HERC4: variants seen among roughly 807,000 people sequenced by gnomAD.
The protein encoded by HERC4 is HECT and RLD domain containing E3 ubiquitin protein ligase 4.
Under a neutral mutation model 124.3 loss-of-function variants are expected in HERC4, and 28 were observed. That is an observed-to-expected ratio of 0.23 (90% CI 0.17 to 0.31). The LOEUF (loss-of-function observed/expected upper bound fraction) is 0.31, where lower values mean the gene tolerates loss of function less well. HERC4 is among the 10% of genes least tolerant of loss of function. HERC4 has a pLI of 1.00. For missense variants in HERC4, 713 were observed against 1,229.3 expected (o/e 0.58, Z 6.28); for synonymous variants, 407 against 421.5 (o/e 0.97, Z 0.42).
At chr10:68,031,769 T>C (rs531590841) in intron 7 of HERC4, among the ~76,000 whole-genome samples, 1 of 152,274 alleles carries the variant, frequency 6.6e-6, no homozygotes, top group South Asian at 2.1e-4. Context: ...TCTTTTTTTT[T>C]GAAACGAGGT....
rs1176217015 is a variant in HERC4 at position 67,991,013 on chromosome 10, T to C, written c.1334A>G (p.Asn445Ser). 1.4e-6 allele frequency: 2 copies of C among 1,461,084 alleles called. No homozygotes were observed. The highest frequency in any genetic ancestry group is 1.8e-6 in the Non-Finnish European group (2 of 1,103,908). The allele number at this position is 1,461,084 out of a possible 1,614,324, so 90.5% of individuals were successfully genotyped here. A position where few individuals can be genotyped will look rare whatever the true frequency, so the allele number is the denominator to read the frequency against. ...GGTACCTGTTCTATAGTGATCATCA[T>C]TGCTAAAAAACAGAAAAGAAAAAAA... ...CLNGSFLAVS[N>S]DDHYRTGTRF... The change falls in exon 13 of 25, where the codon AAT becomes AGT. Residue 445 changes from asparagine (N) to serine (S), a missense_variant and splice_region_variant. By Grantham distance (46) the Asn-to-Ser change is conservative. Coordinates refer to ENST00000373700, the MANE Select transcript of HERC4 (RefSeq NM_015601.4).
rs201978173 is a variant in HERC4 at position 68,032,884 on chromosome 10, A to G, written c.686-15T>C. 1.6e-6 allele frequency: 2 copies of G among 1,255,976 alleles called. No homozygotes were observed. Among genetic ancestry groups the G allele is most frequent in the East Asian group, 4.6e-5 (2 of 43,046 alleles). 77.8% of individuals were successfully genotyped at this position (1,255,976 alleles called of 1,614,324 possible). A position where few individuals can be genotyped will look rare whatever the true frequency, so the allele number is the denominator to read the frequency against. ...AACATACCTATCTGAAAATTCCAAC[A>G]AGAGATGTTAATAGTATTTTAAAAA... is the stretch of plus-strand genomic sequence containing the variant. On this transcript the variant is annotated splice_polypyrimidine_tract_variant and intron_variant, in intron 6 of 24. Coordinates refer to ENST00000373700, the MANE Select transcript of HERC4 (RefSeq NM_015601.4).
intron 3 of HERC4, among the ~76,000 whole-genome samples, chr10:68,061,245 G>T (rs897322155): frequency 1.3e-5 from 2 of 152,200 alleles, no homozygotes; most frequent in South Asian, 2.1e-4. Flanking sequence ...GACCTGGAGG[G>T]AAGTCCTGAA....
chr10:68,037,235 C>T (rs372604220), intron 5 of HERC4, among the ~76,000 whole-genome samples: 3 of 151,824 alleles, frequency 2.0e-5, no homozygotes, highest in South Asian at 2.1e-4. Context: ...GCTGGGACTA[C>T]AGGTGTGTGC....
rs557914013 is a variant in HERC4, at chr10:67,999,136, T to A, written c.1070-6454A>T. Among the ~76,000 whole-genome samples the A allele has an allele frequency of 3.3e-5, 5 of 152,338 alleles. No individual in the cohort carries two copies. The East Asian group carries it at 7.7e-4, about 24-fold the overall frequency. Reference sequence around the variant, plus strand: ...TCTTGTGTATACCTGGTATGTTAGATCTCAAGATTATTAAGTTGTATCTCA... The same window carrying A: ...TCTTGTGTATACCTGGTATGTTAGAACTCAAGATTATTAAGTTGTATCTCA... On this transcript the variant is annotated intron_variant, in intron 9 of 24. Coordinates refer to ENST00000373700, the MANE Select transcript of HERC4 (RefSeq NM_015601.4).
intron 15 of HERC4, among the ~76,000 whole-genome samples, chr10:67,974,120 ATACACAC>A (rs2035437415): frequency 1.2e-5 from 1 of 84,366 alleles, no homozygotes; most frequent in Non-Finnish European, 2.5e-5. Flanking sequence ...ACACACACAC[ATACACAC>A]AGGGTCAGGA....
rs1432340822 is a variant in HERC4 at position 68,044,549 on chromosome 10, G to A, written c.241C>T (p.Leu81=). 1 of 1,613,710 alleles carries A rather than the reference G, an allele frequency of 6.2e-7. No homozygotes were observed. Among genetic ancestry groups the A allele is most frequent in the South Asian group, 1.1e-5 (1 of 91,010 alleles). Residue 81 remains leucine, a synonymous_variant, in exon 4 of 25, where the codon CTG becomes TTG. Coordinates refer to ENST00000373700, the MANE Select transcript of HERC4 (RefSeq NM_015601.4). ...ACAGCTACAATATTTTGGGCATCCA[G>A]GGCAACAACCTGCTCTACAGAAATC... ...SRKKPEQVVA[L]DAQNIVAVSC...
intron 4 of HERC4, chr10:68,040,500 T>C (rs2039706529): frequency 1.4e-6 from 1 of 711,960 alleles, no homozygotes; most frequent in Non-Finnish European, 1.7e-6. Context: ...TAAATAAATT[T>C]GTTAGAACTC....
chr10:67,977,499 T>C (rs1011862430), intron 15 of HERC4, among the ~76,000 whole-genome samples: 3 of 152,094 alleles, frequency 2.0e-5, no homozygotes, highest in East Asian at 3.9e-4. Context: ...ATGGCAGCTA[T>C]GGGGCAAGAC....
intron 15 of HERC4, among the ~76,000 whole-genome samples, chr10:67,973,687 A>C (rs913656595): frequency 2.0e-4 from 31 of 152,202 alleles, no homozygotes; most frequent in African/African-American, 7.0e-4. Flanking sequence ...CATGGCAGCT[A>C]ACGGATATGG....
intron 7 of HERC4, 80 bp from the exon 8 acceptor site, chr10:68,025,756 C>A: frequency 7.0e-7 from 1 of 1,433,454 alleles, no homozygotes; most frequent in Non-Finnish European, 9.4e-7. Context: ...AAGTCCAAAT[C>A]TTTAATATAA....
chr10:68,014,438 G>A (rs974256279), intron 8 of HERC4, among the ~76,000 whole-genome samples: 1 of 152,118 alleles, frequency 6.6e-6, no homozygotes, highest in African/African-American at 2.4e-5. Flanking sequence ...TAAACAGCCT[G>A]GGTCTATACT....
intron 15 of HERC4, among the ~76,000 whole-genome samples, chr10:67,977,244 G>T (rs1321766885): frequency 6.6e-6 from 1 of 152,214 alleles, no homozygotes; most frequent in African/African-American, 2.4e-5. Flanking sequence ...TAGGGCACCA[G>T]TCAAAGTTGT....
At chr10:67,974,969 T>C (rs573537948) in intron 15 of HERC4, among the ~76,000 whole-genome samples, 13 of 152,180 alleles carry the variant, frequency 8.5e-5, no homozygotes, top group Admixed American at 7.9e-4. Flanking sequence ...GGTGGTTGGA[T>C]CATGAGGTCA....
intron 19 of HERC4, among the ~76,000 whole-genome samples, chr10:67,945,557 G>C (rs564159421): frequency 2.0e-4 from 30 of 152,184 alleles, no homozygotes; most frequent in African/African-American, 6.7e-4. Flanking sequence ...AGAATATTAT[G>C]ACACTCTAAT....
At chr10:67,945,639 G>A (rs935111674) in intron 19 of HERC4, among the ~76,000 whole-genome samples, 3 of 151,990 alleles carry the variant, frequency 2.0e-5, no homozygotes, top group Non-Finnish European at 4.4e-5. Flanking sequence ...AATAACTACA[G>A]CTACAAGACA....
At chr10:68,004,942 A>G (rs1399157854) in intron 9 of HERC4, among the ~76,000 whole-genome samples, 2 of 152,196 alleles carry the variant, frequency 1.3e-5, no homozygotes, top group Non-Finnish European at 2.9e-5. Context: ...TGGGGGCACA[A>G]AGCCTAACCA....
At chr10:67,996,810 A>G (rs1349238899) in intron 9 of HERC4, among the ~76,000 whole-genome samples, 1 of 151,824 alleles carries the variant, frequency 6.6e-6, no homozygotes, top group East Asian at 1.9e-4. Context: ...CGTCTCTACT[A>G]AAAATAAAAA....
chr10:67,956,944 A>G lies in HERC4; in HGVS notation c.1959T>C (p.Tyr653=), dbSNP rs767490985. ...TTGCTTGGGCATCAAATACAAATGG[A>G]TATGTACAGATTGTAACAGGGATAT... ...LADIPVTICT[Y]PFVFDAQAKT... Residue 653 remains tyrosine, a synonymous_variant, in exon 17 of 25, where the codon TAT becomes TAC. Transcript: ENST00000373700. The G allele has an allele frequency of 6.3e-7, 1 of 1,598,382 alleles. No individual in the cohort carries two copies.
Sources: gnomAD v4.1 joint callset for allele counts (sites outside exome capture counted in the v4.1 genomes callset) on GRCh38, gnomAD v4.1.1 for gene constraint, MANE v1.5 for transcripts, NCBI Gene and HGNC (gene_info 2026-07-23, HGNC 2026-07-21) for gene names.